HSD17B11: variants seen among roughly 807,000 people sequenced by gnomAD.
The protein encoded by HSD17B11 is estradiol 17-beta-dehydrogenase 11.
A neutral mutation model predicts 27.8 loss-of-function variants in HSD17B11; 22 were observed. That is an observed-to-expected ratio of 0.79 (90% confidence interval 0.56 to 1.13). HSD17B11 has a LOEUF of 1.13. HSD17B11 is among the 50% of genes most tolerant of loss of function. The pLI, the probability that HSD17B11 is intolerant of heterozygous loss-of-function variation, is 0.00. For synonymous variants in HSD17B11, 117 were observed against 132.8 expected, an observed-to-expected ratio of 0.88 and a Z score of 0.82; for missense variants, 314 against 351.1, an observed-to-expected ratio of 0.89 and a Z score of 0.84.
At chr4:87,358,584 ATTAAC>A (rs1448255220) in intron 4 of HSD17B11, among the ~76,000 whole-genome samples, 2 of 152,204 alleles carry the variant, frequency 1.3e-5, no homozygotes, top group African/African-American at 2.4e-5. Context: ...TTGATATATA[ATTAAC>A]TTAAAAGTTG....
rs759061081 is a variant in HSD17B11 at position 87,380,470 on chromosome 4, CAAAAAAA to C, written c.318+1778_318+1784del. On this transcript the variant is annotated intron_variant, in intron 2 of 6. Coordinates refer to ENST00000358290, the MANE Select transcript of HSD17B11 (RefSeq NM_016245.5). ...CCTGGGCAACAGAGCAAGACTGTCT[CAAAAAAA>C]AAAAAAAAAAAGAAAAAAGAAAAGA... is the stretch of plus-strand genomic sequence containing the variant. 8.8e-3 allele frequency among the ~76,000 whole-genome samples: 343 copies of C among 39,064 alleles called. 5 individuals carry two copies. The highest frequency in any genetic ancestry group is 0.084 in the Admixed American group (283 of 3,378). 25.6% of individuals were successfully genotyped at this position (39,064 alleles called of 152,430 possible). A position where few individuals can be genotyped will look rare whatever the true frequency, so the allele number is the denominator to read the frequency against.
At chr4:87,343,358 T>C (rs1234579764) in intron 5 of HSD17B11, among the ~76,000 whole-genome samples, 1 of 152,096 alleles carries the variant, frequency 6.6e-6, no homozygotes, top group African/African-American at 2.4e-5. Flanking sequence ...ATTAAACAAA[T>C]GTTCTTAATG....
chr4:87,360,817 T>C (rs144119761), intron 4 of HSD17B11, among the ~76,000 whole-genome samples: 559 of 152,304 alleles, frequency 3.7e-3, no homozygotes, highest in African/African-American at 0.013. Context: ...ATACCAATGA[T>C]AATGAGTAAA....
At chr4:87,384,491 G>A (rs887779046) in intron 1 of HSD17B11, among the ~76,000 whole-genome samples, 37 of 152,120 alleles carry the variant, frequency 2.4e-4, no homozygotes, top group East Asian at 1.9e-4. Flanking sequence ...GCCTATAAAC[G>A]GATGTGCAAG....
intron 6 of HSD17B11, among the ~76,000 whole-genome samples, chr4:87,339,075 G>A (rs1273785605): frequency 6.6e-6 from 1 of 152,114 alleles, no homozygotes; most frequent in Non-Finnish European, 1.5e-5. Flanking sequence ...AAACATTTTG[G>A]TGCCTCTAAT....
Position 87,390,999 on chromosome 4 carries a change from C to T in HSD17B11, c.72G>A (p.Lys24=). Residue 24 remains lysine, a synonymous_variant, in exon 1 of 7, where the codon AAG becomes AAA. Transcript: ENST00000358290. ...LIVCSLESFV[K]LFIPKRRKSV... ...ATTTTCTCCTCTTAGGAATAAAAAG[C>T]TTCACGAAGGACTCTAGGGAGCAGA... 1 of 1,614,070 alleles carries T rather than the reference C, an allele frequency of 6.2e-7. No homozygotes were observed.
chr4:87,338,710 G>T (rs1735104407), intron 6 of HSD17B11, among the ~76,000 whole-genome samples: 1 of 152,084 alleles, frequency 6.6e-6, no homozygotes, highest in East Asian at 1.9e-4. Flanking sequence ...TAATGTTTTT[G>T]ATTTCTAGTA....
intron 5 of HSD17B11, among the ~76,000 whole-genome samples, chr4:87,354,805 A>G (rs1735350740): frequency 6.6e-6 from 1 of 151,984 alleles, no homozygotes; most frequent in Admixed American, 6.6e-5. Flanking sequence ...TTGAGGGGGC[A>G]GAATAAAACT....
intron 2 of HSD17B11, among the ~76,000 whole-genome samples, chr4:87,381,330 TGCCCA>T (rs1720162318): frequency 6.6e-6 from 1 of 152,186 alleles, no homozygotes; most frequent in Admixed American, 6.5e-5. Context: ...TTAAGGAATC[TGCCCA>T]GGTAATTCTG....
At chr4:87,378,907 T>TAA (rs1368493529) in intron 2 of HSD17B11, among the ~76,000 whole-genome samples, 898 of 16,898 alleles carry the variant, frequency 0.053, 202 homozygotes, top group African/African-American at 0.089. Flanking sequence ...TATATATAAA[T>TAA]ATATATATAT....
intron 2 of HSD17B11, among the ~76,000 whole-genome samples, chr4:87,379,738 A>T (rs1720079747): frequency 7.1e-6 from 1 of 141,562 alleles, no homozygotes; most frequent in Admixed American, 7.7e-5. Flanking sequence ...TACTATTATT[A>T]GTATACTATA....
intron 5 of HSD17B11, among the ~76,000 whole-genome samples, chr4:87,344,885 C>T (rs756228576): frequency 3.3e-5 from 5 of 152,080 alleles, no homozygotes; most frequent in Non-Finnish European, 7.4e-5. Flanking sequence ...AACAGTACCC[C>T]TAAATAAGCA....
chr4:87,345,741 A>C (rs1735261414), intron 5 of HSD17B11, among the ~76,000 whole-genome samples: 2 of 152,140 alleles, frequency 1.3e-5, no homozygotes, highest in Non-Finnish European at 2.9e-5. Context: ...TACACAAACT[A>C]CCAAAACTGA....
Position 87,381,165 on chromosome 4 carries a change from C to T in HSD17B11, c.318+1090G>A, listed in dbSNP as rs547456719. Among the ~76,000 whole-genome samples, 563 of 128,140 alleles carry T rather than the reference C, an allele frequency of 4.4e-3. 5 individuals carry two copies. The highest frequency in any genetic ancestry group is 0.015 in the African/African-American group (521 of 33,812). The allele number at this position is 128,140 out of a possible 152,430, so 84.1% of individuals were successfully genotyped here. On this transcript the variant is annotated intron_variant, in intron 2 of 6. Transcript: ENST00000358290. ...TCACGCCACTGCACTCCAGCCTGGG[C>T]GACAGAGTGAGACTCCATTTCAAAA...
rs1317392407 is a variant in HSD17B11, at chr4:87,391,015, A to G, written c.56T>C (p.Leu19Pro). The G allele has an allele frequency of 5.0e-6, 8 of 1,614,044 alleles. No homozygotes were observed. Among genetic ancestry groups the G allele is most frequent in the Non-Finnish European group, 6.8e-6 (8 of 1,180,012 alleles). ...LLLPLLIVCS[L>P]ESFVKLFIPK... ...AATAAAAAGCTTCACGAAGGACTCT[A>G]GGGAGCAGACGATCAGTAACGGGAG... Residue 19 changes from leucine to proline, a missense_variant, in exon 1 of 7, where the codon CTA (leucine) becomes CCA (proline). Leu to Pro is a moderately conservative substitution (Grantham distance 98). Transcript: ENST00000358290.
chr4:87,377,894 T>C (rs1168457765), intron 2 of HSD17B11, among the ~76,000 whole-genome samples: 3 of 152,230 alleles, frequency 2.0e-5, no homozygotes, highest in Non-Finnish European at 2.9e-5. Context: ...TCTTATTGAA[T>C]TCTCACAGTA....
intron 2 of HSD17B11, among the ~76,000 whole-genome samples, chr4:87,375,694 TCG>T (rs1192264224): frequency 1.3e-5 from 2 of 152,176 alleles, no homozygotes; most frequent in Non-Finnish European, 2.9e-5. Context: ...TGAGCTGAGA[TCG>T]CGCCATCGCA....
intron 1 of HSD17B11, among the ~76,000 whole-genome samples, chr4:87,385,019 T>C (rs1001853246): frequency 4.6e-5 from 7 of 152,050 alleles, no homozygotes; most frequent in South Asian, 2.1e-4. Flanking sequence ...TTATGGAAAA[T>C]AGAAAGAAGC....
Position 87,384,451 on chromosome 4 carries a change from A to G in HSD17B11, c.211-2089T>C, listed in dbSNP as rs371232655. ...TCTGACTGCCTGTGGGGTCGGGCAAAAAAGAGCCATATTTTTCTTCTTGCA... is the reference window on the plus strand; with the variant it reads ...TCTGACTGCCTGTGGGGTCGGGCAAGAAAGAGCCATATTTTTCTTCTTGCA... On this transcript the variant is annotated intron_variant, in intron 1 of 6. Transcript: ENST00000358290. Among the ~76,000 whole-genome samples the G allele has an allele frequency of 2.6e-3, 396 of 152,334 alleles. 2 individuals carry two copies. Among genetic ancestry groups the G allele is most frequent in the African/African-American group, 8.8e-3 (367 of 41,576 alleles).
Sources: allele counts gnomAD v4.1 joint callset (sites outside exome capture counted in the v4.1 genomes callset), GRCh38; gene constraint gnomAD v4.1.1; transcripts MANE v1.5; gene names NCBI Gene and HGNC (gene_info 2026-07-23, HGNC 2026-07-21).